The following LRFN2 variants were observed in gnomAD, a reference collection of about 807,000 sequenced individuals.
The protein encoded by LRFN2 is leucine-rich repeat and fibronectin type-III domain-containing protein 2.
In LRFN2, 18 loss-of-function variants were observed where a neutral mutation model predicts 37.3. The ratio of observed to expected loss-of-function variants is 0.48; its 90% CI spans 0.33 to 0.72. LRFN2 has a LOEUF of 0.72. Ranked by LOEUF, LRFN2 falls within the 30% of genes least tolerant of loss-of-function variation. The pLI, the probability that LRFN2 is intolerant of heterozygous loss-of-function variation, is 0.02. For missense variants in LRFN2, 1,006 were observed against 1,060.7 expected (o/e 0.95, Z 0.72); for synonymous variants, 556 against 466.6 (o/e 1.19, Z -2.47).
At chr6:40,442,638 G>C (rs774970594) in intron 1 of LRFN2, among the ~76,000 whole-genome samples, 7 of 152,138 alleles carry the variant, frequency 4.6e-5, no homozygotes, top group Non-Finnish European at 8.8e-5. Flanking sequence ...CCCTGAGGAT[G>C]GGACTCTGTT....
At chr6:40,545,563 G>A (rs998246565) in intron 1 of LRFN2, among the ~76,000 whole-genome samples, 5 of 152,162 alleles carry the variant, frequency 3.3e-5, no homozygotes, top group Non-Finnish European at 7.4e-5. Flanking sequence ...GAGGGGAGAG[G>A]CAGAGACACA....
intron 1 of LRFN2, among the ~76,000 whole-genome samples, chr6:40,549,693 T>C (rs987194761): frequency 9.2e-5 from 14 of 151,494 alleles, no homozygotes; most frequent in Admixed American, 2.0e-4. Flanking sequence ...AAACATAAGA[T>C]TGGGCTCACC....
intron 2 of LRFN2, among the ~76,000 whole-genome samples, chr6:40,402,632 C>T (rs184174230): frequency 5.9e-5 from 9 of 152,272 alleles, no homozygotes; most frequent in Non-Finnish European, 1.0e-4. Flanking sequence ...GGTTCCAAGA[C>T]ATTAGGTGAC....
At chr6:40,575,155 A>G (rs2494943) in intron 1 of LRFN2, among the ~76,000 whole-genome samples, 82,884 of 151,942 alleles carry the variant, frequency 0.55, 23,445 homozygotes, top group African/African-American at 0.69. Context: ...GGCATCTCAG[A>G]CCGCAGTGGG....
At chr6:40,522,204 A>G (rs1242293900) in intron 1 of LRFN2, among the ~76,000 whole-genome samples, 2 of 152,170 alleles carry the variant, frequency 1.3e-5, no homozygotes, top group Non-Finnish European at 1.5e-5. Context: ...CTAAATGGCA[A>G]TGTGGGACCG....
intron 1 of LRFN2, among the ~76,000 whole-genome samples, chr6:40,546,459 G>A (rs1330417251): frequency 6.6e-6 from 1 of 152,204 alleles, no homozygotes; most frequent in Non-Finnish European, 1.5e-5. Flanking sequence ...TAGGGGCAAA[G>A]GTGAGTAGCT....
Position 40,436,493 on chromosome 6 carries a change from G to GT in LRFN2, c.-18-3363dup, listed in dbSNP as rs11326625. Among the ~76,000 whole-genome samples, 209 of 148,748 alleles carry GT rather than the reference G, an allele frequency of 1.4e-3. 2 individuals carry two copies. Among genetic ancestry groups the GT allele is most frequent in the Non-Finnish European group, 1.9e-3 (128 of 66,890 alleles). ...CTGACCTCTGTTCTATAGGATATGT[G>GT]TTTTTTTTTTTCATCTTCATCAAGG... On this transcript the variant is annotated intron_variant, in intron 1 of 2. Transcript: ENST00000338305.
chr6:40,549,675 C>A (rs186969783), intron 1 of LRFN2, among the ~76,000 whole-genome samples: 2 of 151,446 alleles, frequency 1.3e-5, no homozygotes, highest in South Asian at 2.1e-4. Flanking sequence ...GTGGTGGGAA[C>A]CACAGTGAAA....
chr6:40,411,758 T>G (rs1346588664), intron 2 of LRFN2, among the ~76,000 whole-genome samples: 2 of 151,766 alleles, frequency 1.3e-5, no homozygotes. Flanking sequence ...CTGGACACGC[T>G]AGCTAATATT....
At chr6:40,529,744 G>A (rs567002831) in intron 1 of LRFN2, among the ~76,000 whole-genome samples, 38 of 152,118 alleles carry the variant, frequency 2.5e-4, no homozygotes, top group Non-Finnish European at 5.0e-4. Context: ...GACACTCTCT[G>A]TGCCTCAATT....
intron 1 of LRFN2, among the ~76,000 whole-genome samples, chr6:40,543,561 C>A (rs1037523510): frequency 5.9e-5 from 9 of 152,206 alleles, no homozygotes; most frequent in African/African-American, 2.2e-4. Context: ...TGTGATTTTT[C>A]ACCATGTTTA....
intron 1 of LRFN2, among the ~76,000 whole-genome samples, chr6:40,523,176 G>A (rs1018095482): frequency 1.3e-5 from 2 of 152,190 alleles, no homozygotes; most frequent in African/African-American, 4.8e-5. Context: ...GACCAAATGA[G>A]ATAACACCTG....
chr6:40,465,694 C>T (rs1414883664), intron 1 of LRFN2, among the ~76,000 whole-genome samples: 2 of 152,168 alleles, frequency 1.3e-5, no homozygotes, highest in Non-Finnish European at 2.9e-5. Flanking sequence ...GATCCTTGAA[C>T]AACATAGGAT....
intron 1 of LRFN2, among the ~76,000 whole-genome samples, chr6:40,522,199 T>C (rs918496553): frequency 1.3e-5 from 2 of 152,020 alleles, no homozygotes; most frequent in South Asian, 2.1e-4. Flanking sequence ...AAAAACTAAA[T>C]GGCAATGTGG....
rs781025697 is a variant in LRFN2, at chr6:40,431,824, T to C, written c.1290A>G (p.Glu430=). Residue 430 remains glutamate (E), a synonymous_variant, in exon 2 of 3, where the codon GAA becomes GAG. Transcript: ENST00000338305. ...SPPERAVLVS[E]VTTTSALVKW... ...TGACCAGGGCCGAGGTGGTGGTCAC[T>C]TCAGACACAAGCACAGCCCGTTCCG... is the stretch of plus-strand genomic sequence containing the variant. 1.1e-5 allele frequency: 17 copies of C among 1,567,612 alleles called. No homozygotes were observed. Among genetic ancestry groups the C allele is most frequent in the Non-Finnish European group, 1.5e-5 (17 of 1,155,314 alleles).
At chr6:40,494,432 A>G (rs1765173228) in intron 1 of LRFN2, among the ~76,000 whole-genome samples, 1 of 152,160 alleles carries the variant, frequency 6.6e-6, no homozygotes, top group African/African-American at 2.4e-5. Context: ...GCTGCCTTTG[A>G]AAAAGAGTAG....
At chr6:40,543,402 A>T (rs969259886) in intron 1 of LRFN2, among the ~76,000 whole-genome samples, 3 of 152,182 alleles carry the variant, frequency 2.0e-5, no homozygotes, top group African/African-American at 7.2e-5. Flanking sequence ...ATTGACTTAC[A>T]TTCAATTCCT....
intron 2 of LRFN2, among the ~76,000 whole-genome samples, chr6:40,421,981 C>CA (rs1383494288): frequency 6.6e-6 from 1 of 152,118 alleles, no homozygotes; most frequent in Non-Finnish European, 1.5e-5. Flanking sequence ...GCCTGAGGTT[C>CA]AGACAAGTAA....
chr6:40,452,017 T>C (rs943485256), intron 1 of LRFN2, among the ~76,000 whole-genome samples: 1 of 152,178 alleles, frequency 6.6e-6, no homozygotes, highest in Non-Finnish European at 1.5e-5. Flanking sequence ...AAGATGACTT[T>C]ATGGATACCT....
Sources: allele counts gnomAD v4.1 joint callset (sites outside exome capture counted in the v4.1 genomes callset), GRCh38; gene constraint gnomAD v4.1.1; transcripts MANE v1.5; gene names NCBI Gene and HGNC (gene_info 2026-07-23, HGNC 2026-07-21).